Variants in TOGARAM2 observed in about 807,000 individuals in gnomAD.
The protein encoded by TOGARAM2 is TOG array regulator of axonemal microtubules protein 2.
Under a neutral mutation model 93.3 loss-of-function variants are expected in TOGARAM2, and 85 were observed. The ratio of observed to expected loss-of-function variants is 0.91; its 90% CI spans 0.76 to 1.09. The LOEUF (loss-of-function observed/expected upper bound fraction) is 1.09, where lower values mean the gene tolerates loss of function less well. TOGARAM2 is among the 50% of genes least tolerant of loss of function. TOGARAM2 has a pLI of 0.00. For missense variants in TOGARAM2, 1,277 were observed against 1,334.5 expected (o/e 0.96, Z 0.67); for synonymous variants, 593 against 552.8 (o/e 1.07, Z -1.02).
chr2:29,018,177 T>G, intron 10 of TOGARAM2: 2 of 560,094 alleles, frequency 3.6e-6, no homozygotes, highest in Non-Finnish European at 6.2e-6. Flanking sequence ...ATGTCACAAC[T>G]GGAGTTGTGA....
intron 6 of TOGARAM2, among the ~76,000 whole-genome samples, chr2:29,006,046 GTGGAGTGTGTGTGTA>G (rs1663771936): frequency 1.2e-5 from 1 of 85,594 alleles, no homozygotes. Context: ...GAGTGCATGT[GTGGAGTGTGTGTGTA>G]TGTGTATGTG....
intron 1 of TOGARAM2, among the ~76,000 whole-genome samples, chr2:28,966,624 A>G (rs1181591562): frequency 6.6e-6 from 1 of 152,222 alleles, no homozygotes; most frequent in Non-Finnish European, 1.5e-5. Flanking sequence ...AAGAATGTAT[A>G]TAAATAATCC....
At chr2:29,000,061 A>G (rs1234525532) in intron 4 of TOGARAM2, among the ~76,000 whole-genome samples, 1 of 151,898 alleles carries the variant, frequency 6.6e-6, no homozygotes, top group African/African-American at 2.4e-5. Flanking sequence ...TTTGCCCCTT[A>G]GGATGCTCTC....
intron 8 of TOGARAM2, among the ~76,000 whole-genome samples, chr2:29,016,684 C>T (rs1664591532): frequency 1.3e-5 from 2 of 152,250 alleles, no homozygotes; most frequent in African/African-American, 4.8e-5. Context: ...GTGGATCCTG[C>T]CCCCTGCCTG....
intron 6 of TOGARAM2, among the ~76,000 whole-genome samples, chr2:29,008,468 T>TA (rs1491346197): frequency 2.4e-5 from 3 of 125,220 alleles, no homozygotes; most frequent in South Asian, 2.6e-4. Context: ...AATATATATA[T>TA]TTTTTTGAGA....
intron 6 of TOGARAM2, among the ~76,000 whole-genome samples, chr2:29,004,699 AGT>A (rs767638103): frequency 1.3e-4 from 20 of 151,422 alleles, no homozygotes; most frequent in Non-Finnish European, 1.9e-4. Flanking sequence ...TGAGTACAAG[AGT>A]GTGTGTGTCT....
intron 18 of TOGARAM2, among the ~76,000 whole-genome samples, chr2:29,039,488 A>AGAAGG (rs1666308969): frequency 6.6e-6 from 1 of 152,078 alleles, no homozygotes; most frequent in South Asian, 2.1e-4. Context: ...TCTTGGGGGG[A>AGAAGG]CCTTCTAGAA....
chr2:28,992,757 A>G (rs1013137380), intron 1 of TOGARAM2, among the ~76,000 whole-genome samples: 2 of 152,200 alleles, frequency 1.3e-5, no homozygotes, highest in African/African-American at 2.4e-5. Context: ...ATCCTGTCTG[A>G]ACATCAAAAT....
At chr2:29,035,319 G>A (rs1270891357) in intron 16 of TOGARAM2, 145 bp from the exon 17 acceptor site, 8 of 602,208 alleles carry the variant, frequency 1.3e-5, no homozygotes, top group African/African-American at 1.9e-5. Context: ...AGCTGTAGGT[G>A]GAGGGGAAGC....
At chr2:28,984,864 AG>A (rs1334220704) in intron 1 of TOGARAM2, among the ~76,000 whole-genome samples, 1 of 152,194 alleles carries the variant, frequency 6.6e-6, no homozygotes, top group Non-Finnish European at 1.5e-5. Flanking sequence ...CAGGCACTGT[AG>A]TGGCAAGGTG....
intron 14 of TOGARAM2, among the ~76,000 whole-genome samples, chr2:29,027,568 G>C (rs927841656): frequency 2.6e-5 from 4 of 151,052 alleles, no homozygotes; most frequent in Non-Finnish European, 2.9e-5. Flanking sequence ...AGTTGAGACT[G>C]GGCAACATAG....
At position 29,051,941 on chromosome 2, in the gene TOGARAM2, G is replaced by C. The variant is rs768603796; in HGVS notation, c.2908G>C (p.Asp970His). ...GGAGCACATGGGCTCCCGCCTGCTG[G>C]ACTTTGCCGCCAGCCAGCCAAAGCA... Reference protein sequence around the residue: ...LQEHMGSRLLDFAASQPKHVL... With the variant: ...LQEHMGSRLLHFAASQPKHVL... Residue 970 changes from aspartate to histidine, a missense_variant, in exon 20 of 20, where the codon GAC (aspartate) becomes CAC (histidine). Transcript: ENST00000379558. 6 of 1,606,654 alleles carry C rather than the reference G, an allele frequency of 3.7e-6. No homozygotes were observed. The South Asian group carries it at 6.7e-5, about 18-fold the overall frequency.
At chr2:28,988,131 C>T (rs909672697) in intron 1 of TOGARAM2, among the ~76,000 whole-genome samples, 4 of 152,178 alleles carry the variant, frequency 2.6e-5, no homozygotes, top group African/African-American at 7.2e-5. Context: ...CTGGGCTCTA[C>T]GGTAGGCTTG....
In TOGARAM2 at chr2:29,017,158, A is replaced by C; in HGVS notation, c.1049A>C (p.Gln350Pro). The stretch of plus-strand genomic sequence containing the variant: ...TTTGCCTTGACCTTGTGCCAGATCC[A>C]AGTCACCATCTCCAAGTCTGCCCGG... ...EDQKEIGTKI[Q>P]VTISKSAREK... Residue 350 changes from glutamine to proline, a missense_variant, in exon 9 of 20, where the codon CAA (glutamine) becomes CCA (proline). Gln to Pro is a moderately conservative substitution (Grantham distance 76, BLOSUM62 -1). Coordinates refer to ENST00000379558, the MANE Select transcript of TOGARAM2 (RefSeq NM_199280.4). 1.9e-6 allele frequency: 3 copies of C among 1,612,804 alleles called. No individual in the cohort carries two copies. The East Asian group carries it at 6.7e-5, about 36-fold the overall frequency.
chr2:29,020,702 G>A (rs972199346), intron 10 of TOGARAM2, among the ~76,000 whole-genome samples: 8 of 152,152 alleles, frequency 5.3e-5, no homozygotes, highest in Admixed American at 2.0e-4. Context: ...TGTATTGCTC[G>A]CTCCAGAAGA....
At position 29,032,930 on chromosome 2, in the gene TOGARAM2, G is replaced by A; in HGVS notation, c.2013-4G>A. 6.2e-7 allele frequency: 1 copy of A among 1,612,272 alleles called. No individual in the cohort carries two copies. Among genetic ancestry groups the A allele is most frequent in the South Asian group, 1.1e-5 (1 of 90,672 alleles). On this transcript the variant is annotated splice_region_variant and splice_polypyrimidine_tract_variant and intron_variant, in intron 14 of 19. Coordinates refer to ENST00000379558, the MANE Select transcript of TOGARAM2 (RefSeq NM_199280.4). ...TCTTTATCTTGCTCTCTCTCCTGTGGCAGATTTTATGGCCGGAAGATGGTG... is the reference window on the plus strand; with the variant it reads ...TCTTTATCTTGCTCTCTCTCCTGTGACAGATTTTATGGCCGGAAGATGGTG...
Position 28,988,731 on chromosome 2 carries a change from G to A in TOGARAM2, c.-110-5994G>A, listed in dbSNP as rs146572237. 8.2e-4 allele frequency among the ~76,000 whole-genome samples: 125 copies of A among 152,210 alleles called. 1 individual carries two copies. The highest frequency in any genetic ancestry group is 2.9e-3 in the African/African-American group (121 of 41,548). On this transcript the variant is annotated intron_variant, in intron 1 of 19. Transcript: ENST00000379558. ...GCCTTTCTCATCCAAATTCTCCAGC[G>A]TTGTTTGGACTCACCATCTCTATAC...
chr2:29,021,277 C>T (rs904544132), intron 10 of TOGARAM2, among the ~76,000 whole-genome samples: 1 of 152,178 alleles, frequency 6.6e-6, no homozygotes, highest in Non-Finnish European at 1.5e-5. Flanking sequence ...TCCAGATGTA[C>T]TGTGGTGAAA....
intron 10 of TOGARAM2, 74 bp downstream of exon 10, chr2:29,018,030 A>C: frequency 6.8e-7 from 1 of 1,463,294 alleles, no homozygotes; most frequent in Non-Finnish European, 9.1e-7. Flanking sequence ...GGCATGGCAG[A>C]GGTGACCTCG....
Sources: allele counts gnomAD v4.1 joint callset (sites outside exome capture counted in the v4.1 genomes callset), GRCh38; gene constraint gnomAD v4.1.1; transcripts MANE v1.5; gene names NCBI Gene and HGNC (gene_info 2026-07-23, HGNC 2026-07-21).